The following CCDC14 variants were observed in gnomAD, a reference collection of about 807,000 sequenced individuals.
CCDC14 encodes the protein coiled-coil domain-containing protein 14.
A neutral mutation model predicts 81.4 loss-of-function variants in CCDC14; 71 were observed. That is an observed-to-expected ratio of 0.87 (90% CI 0.72 to 1.06). The LOEUF (loss-of-function observed/expected upper bound fraction) is 1.06. CCDC14 is among the 50% of genes least tolerant of loss of function. CCDC14 has a pLI of 0.00. For synonymous variants in CCDC14, 332 were observed against 364.8 expected (o/e 0.91, Z 1.03); for missense variants, 1,046 against 1,047.3 (o/e 1.00, Z 0.02).
At chr3:123,959,665 C>T (rs1405788212) in intron 1 of CCDC14, among the ~76,000 whole-genome samples, 5 of 152,136 alleles carry the variant, frequency 3.3e-5, no homozygotes, top group African/African-American at 1.2e-4. Flanking sequence ...TACCCCTGCT[C>T]AGCCCTGGAG....
At chr3:123,948,336 G>A (rs554616784) in intron 7 of CCDC14, among the ~76,000 whole-genome samples, 12 of 151,380 alleles carry the variant, frequency 7.9e-5, no homozygotes, top group South Asian at 4.2e-4. Flanking sequence ...CCTGGGTCCC[G>A]GTTCAAGTAA....
At chr3:123,887,805 ATTTG>A in the CCDC14 span, among the ~76,000 whole-genome samples, 3 of 152,070 alleles carry the variant, frequency 2.0e-5, no homozygotes, top group Non-Finnish European at 4.4e-5. Context: ...AGTCTTAAAT[ATTTG>A]TTCTGTTTTG....
At chr3:123,959,373 T>C (rs1402302288) in intron 1 of CCDC14, among the ~76,000 whole-genome samples, 3 of 152,236 alleles carry the variant, frequency 2.0e-5, no homozygotes, top group Non-Finnish European at 4.4e-5. Context: ...TTGCATTTCC[T>C]GGATTAGTGA....
At chr3:123,924,875 C>T in intron 12 of CCDC14, among the ~76,000 whole-genome samples, 1 of 151,410 alleles carries the variant, frequency 6.6e-6, no homozygotes, top group East Asian at 1.9e-4. Context: ...AATAGAACTA[C>T]CATATGATTC....
At chr3:123,920,396 G>A (rs556255726) in intron 12 of CCDC14, among the ~76,000 whole-genome samples, 2 of 152,206 alleles carry the variant, frequency 1.3e-5, no homozygotes, top group African/African-American at 4.8e-5. Context: ...GGTACAGGAC[G>A]CTCAGAGGTC....
intron 12 of CCDC14, among the ~76,000 whole-genome samples, chr3:123,919,401 C>T (rs930316863): frequency 1.3e-5 from 2 of 152,164 alleles, no homozygotes; most frequent in Non-Finnish European, 2.9e-5. Context: ...CTGCCTGTCA[C>T]GAGTGGCTGG....
At chr3:123,928,115 T>C (rs1339394414) in intron 12 of CCDC14, among the ~76,000 whole-genome samples, 1 of 152,106 alleles carries the variant, frequency 6.6e-6, no homozygotes, top group Admixed American at 6.5e-5. Context: ...CTGAAAGATT[T>C]TTCTTATGTT....
the CCDC14 span, among the ~76,000 whole-genome samples, chr3:123,890,493 T>C: frequency 2.0e-5 from 3 of 152,152 alleles, no homozygotes; most frequent in Non-Finnish European, 4.4e-5. Context: ...ATATGGCCAT[T>C]CTAAATGGGA....
At chr3:123,944,785 A>C in intron 9 of CCDC14, 64 bp downstream of exon 9, 1 of 1,306,224 alleles carries the variant, frequency 7.7e-7, no homozygotes, top group Admixed American at 2.1e-5. Flanking sequence ...TGTCATTTGC[A>C]CCTTTGTTCT....
At chr3:123,905,340 A>G (rs964290707) in intron 5 of CCDC14, among the ~76,000 whole-genome samples, 2 of 152,170 alleles carry the variant, frequency 1.3e-5, no homozygotes, top group Non-Finnish European at 2.9e-5. Context: ...CTCCCCGCAC[A>G]TTGTTCTGAG....
downstream of CCDC14, among the ~76,000 whole-genome samples, chr3:123,910,506 G>A (rs1330531027): frequency 6.6e-6 from 1 of 151,874 alleles, no homozygotes; most frequent in African/African-American, 2.4e-5. Flanking sequence ...CTTTGCTTAC[G>A]TTCATCCCTC....
chr3:123,932,006 G>C (rs1242578506), intron 10 of CCDC14, among the ~76,000 whole-genome samples: 1 of 151,966 alleles, frequency 6.6e-6, no homozygotes, highest in African/African-American at 2.4e-5. Context: ...TTTCCCATAA[G>C]ACTGTTGTAT....
At position 123,914,733 on chromosome 3, in the gene CCDC14, A is replaced by G; in HGVS notation, c.*46T>C. The G allele has an allele frequency of 6.8e-7, 1 of 1,464,726 alleles. No individual in the cohort carries two copies. The highest frequency in any genetic ancestry group is 9.0e-7 in the Non-Finnish European group (1 of 1,110,228). The allele number at this position is 1,464,726 out of a possible 1,614,324, so 90.7% of individuals were successfully genotyped here. ...AGAAAAATACACATTCAATATAGCC[A>G]AGTTCTAGTTTTAAAAAGAAGCACC... is the stretch of plus-strand genomic sequence containing the variant. On this transcript the variant is annotated 3_prime_UTR_variant, in exon 13 of 13. Coordinates refer to ENST00000409697, the MANE Select transcript of CCDC14 (RefSeq NM_001366335.1).
intron 5 of CCDC14, among the ~76,000 whole-genome samples, chr3:123,901,223 G>A (rs887842454): frequency 6.6e-6 from 1 of 150,438 alleles, no homozygotes; most frequent in Non-Finnish European, 1.5e-5. Flanking sequence ...CAAGAGAGAA[G>A]CTCCATCTCA....
chr3:123,931,365 G>T lies in CCDC14; in HGVS notation c.1588C>A (p.Gln530Lys). 1 of 1,520,464 alleles carries T rather than the reference G, an allele frequency of 6.6e-7. No homozygotes were observed. Among genetic ancestry groups the T allele is most frequent in the South Asian group, 1.2e-5 (1 of 83,132 alleles). The allele number at this position is 1,520,464 out of a possible 1,614,324, so 94.2% of individuals were successfully genotyped here. ...TGCTGTTTATTTTCAAGTATAGTTT[G>T]ATCTTTGTCTTTAAATATACTACTA... ...KFSSIFKDKD[Q>K]TILENKQQYD... is the part of the protein sequence containing the mutation. Residue 530 changes from glutamine to lysine, a missense_variant, in exon 11 of 13, where the codon CAA becomes AAA. Gln to Lys is a moderately conservative substitution (Grantham distance 53). Coordinates refer to ENST00000409697, the MANE Select transcript of CCDC14 (RefSeq NM_001366335.1).
At chr3:123,904,403 T>C (rs575363878) in intron 5 of CCDC14, among the ~76,000 whole-genome samples, 14 of 152,096 alleles carry the variant, frequency 9.2e-5, no homozygotes, top group African/African-American at 2.9e-4. Flanking sequence ...AAGGGACTAG[T>C]ATGAGGAGAG....
intron 12 of CCDC14, among the ~76,000 whole-genome samples, chr3:123,925,606 T>C (rs1192864058): frequency 2.6e-5 from 4 of 152,170 alleles, no homozygotes; most frequent in African/African-American, 9.7e-5. Context: ...CAGGTAATTT[T>C]TGTATTTTTA....
At chr3:123,912,660 T>A (rs1033533065), downstream of CCDC14, among the ~76,000 whole-genome samples, 8 of 152,208 alleles carry the variant, frequency 5.3e-5, no homozygotes, top group East Asian at 1.4e-3. Context: ...TAATCCTTCC[T>A]ATTTACTATC....
chr3:123,915,863 C>T (rs990531966), intron 12 of CCDC14, 145 bp from the exon 13 acceptor site: 1 of 583,556 alleles, frequency 1.7e-6, no homozygotes, highest in Non-Finnish European at 2.9e-6. Context: ...CACAAAATCA[C>T]AGAACGTGCT....
Sources: gnomAD v4.1 joint callset for allele counts (sites outside exome capture counted in the v4.1 genomes callset) on GRCh38, gnomAD v4.1.1 for gene constraint, MANE v1.5 for transcripts, NCBI Gene and HGNC (gene_info 2026-07-23, HGNC 2026-07-21) for gene names.